ROBO2: variants seen among roughly 807,000 people sequenced by gnomAD.
ROBO2 encodes the protein roundabout guidance receptor 2, also known as roundabout homolog 2.
In ROBO2, 53 loss-of-function variants were observed where a neutral mutation model predicts 160.8. The ratio of observed to expected loss-of-function variants is 0.33; its 90% CI spans 0.26 to 0.41. The LOEUF is 0.41. ROBO2 is among the 10% of genes least tolerant of loss of function. The pLI, the probability that ROBO2 is intolerant of heterozygous loss-of-function variation, is 1.00. For missense variants in ROBO2, 1,577 were observed against 1,722.4 expected (o/e 0.92, Z 1.49); for synonymous variants, 664 against 611.7 (o/e 1.09, Z -1.26).
chr3:76,476,467 G>T (rs1459859295), intron 2 of ROBO2, among the ~76,000 whole-genome samples: 3 of 152,048 alleles, frequency 2.0e-5, no homozygotes, highest in African/African-American at 4.8e-5. Context: ...CCTGTCTGTT[G>T]AAACAGTTCT....
At chr3:75,909,056 T>A (rs1328500116) in intron 1 of ROBO2, among the ~76,000 whole-genome samples, 1 of 152,206 alleles carries the variant, frequency 6.6e-6, no homozygotes, top group Admixed American at 6.5e-5. Context: ...GTGGGACTTA[T>A]GAGAAAAGGA....
intron 2 of ROBO2, among the ~76,000 whole-genome samples, chr3:77,242,489 T>C (rs2089186277): frequency 6.6e-6 from 1 of 152,214 alleles, no homozygotes; most frequent in African/African-American, 2.4e-5. Context: ...ATCCAAAATA[T>C]ATTCTCTTTT....
Position 77,175,778 on chromosome 3 carries a change from C to T in ROBO2, c.388+77438C>T, listed in dbSNP as rs115173345. Among the ~76,000 whole-genome samples, 337 of 152,086 alleles carry T rather than the reference C, an allele frequency of 2.2e-3. 2 individuals are homozygous for T. Among genetic ancestry groups the T allele is most frequent in the African/African-American group, 7.7e-3 (319 of 41,538 alleles). On this transcript the variant is annotated intron_variant, in intron 2 of 25. Coordinates refer to ENST00000461745, the Ensembl canonical transcript of ROBO2. ...AACTTAGAAGATAAGGAGCTGCTAT[C>T]TGAACACTGATCAAATCAGCCTGAA...
intron 2 of ROBO2, among the ~76,000 whole-genome samples, chr3:76,244,670 G>A (rs1705508275): frequency 6.6e-6 from 1 of 152,104 alleles, no homozygotes; most frequent in South Asian, 2.1e-4. Context: ...AAGAAGTATT[G>A]GACTGGACGT....
intron 2 of ROBO2, among the ~76,000 whole-genome samples, chr3:77,173,396 A>G (rs1238070260): frequency 6.6e-6 from 1 of 152,036 alleles, no homozygotes; most frequent in Non-Finnish European, 1.5e-5. Flanking sequence ...ACAATTTAGC[A>G]AGTATATTGT....
intron 2 of ROBO2, among the ~76,000 whole-genome samples, chr3:76,842,561 A>T (rs1403191822): frequency 6.6e-6 from 1 of 152,182 alleles, no homozygotes; most frequent in African/African-American, 2.4e-5. Context: ...TCCTTATATG[A>T]AGTATAAGCT....
intron 2 of ROBO2, among the ~76,000 whole-genome samples, chr3:76,431,398 C>T (rs2076431491): frequency 6.6e-6 from 1 of 152,010 alleles, no homozygotes; most frequent in Admixed American, 6.6e-5. Flanking sequence ...TGTTTAAAAT[C>T]AGATGAATCA....
At chr3:76,665,996 T>G (rs2092021382) in intron 2 of ROBO2, among the ~76,000 whole-genome samples, 1 of 122,616 alleles carries the variant, frequency 8.2e-6, no homozygotes, top group Non-Finnish European at 1.8e-5. Flanking sequence ...GTAATATATA[T>G]AATATATAAT....
intron 2 of ROBO2, among the ~76,000 whole-genome samples, chr3:77,213,707 T>G (rs996353199): frequency 6.6e-6 from 1 of 152,148 alleles, no homozygotes; most frequent in Non-Finnish European, 1.5e-5. Flanking sequence ...CTTTCTCTTG[T>G]GGGCATTTAG....
At chr3:76,441,182 T>G (rs2076909853) in intron 2 of ROBO2, among the ~76,000 whole-genome samples, 1 of 152,176 alleles carries the variant, frequency 6.6e-6, no homozygotes, top group African/African-American at 2.4e-5. Flanking sequence ...AGCTGGTGCT[T>G]GGCTGTTTTA....
intron 2 of ROBO2, among the ~76,000 whole-genome samples, chr3:76,180,853 C>T (rs984021304): frequency 6.6e-6 from 1 of 152,122 alleles, no homozygotes; most frequent in Non-Finnish European, 1.5e-5. Context: ...CTACAAGGCC[C>T]TGAATTTTCT....
chr3:76,858,760 A>T lies in ROBO2; in HGVS notation c.110-239254A>T, dbSNP rs11916468. Among the ~76,000 whole-genome samples, 1,393 of 152,346 alleles carry T rather than the reference A, an allele frequency of 9.1e-3. 13 individuals carry two copies. The highest frequency in any genetic ancestry group is 0.032 in the African/African-American group (1,348 of 41,572). On this transcript the variant is annotated intron_variant, in intron 2 of 26. Transcript: ENST00000487694. ...TGCAAACAATGATTTAGGAAAACCA[A>T]GACAATGAATTGAAGCTGTCACCAC...
At chr3:76,324,868 A>G (rs1247948444) in intron 2 of ROBO2, among the ~76,000 whole-genome samples, 3 of 152,230 alleles carry the variant, frequency 2.0e-5, no homozygotes, top group African/African-American at 7.2e-5. Context: ...CTCCTTTGGG[A>G]GGCCAAGGCA....
intron 2 of ROBO2, among the ~76,000 whole-genome samples, chr3:76,084,675 C>G (rs1335856729): frequency 1.3e-5 from 2 of 152,128 alleles, no homozygotes; most frequent in African/African-American, 4.8e-5. Context: ...AGTGCCCTGT[C>G]TCCATCTTCT....
intron 1 of ROBO2, among the ~76,000 whole-genome samples, chr3:77,056,368 CTA>C (rs2065745543): frequency 6.6e-6 from 1 of 152,150 alleles, no homozygotes; most frequent in Non-Finnish European, 1.5e-5. Flanking sequence ...ATGAGATTCA[CTA>C]GGATTAGACA....
intron 2 of ROBO2, among the ~76,000 whole-genome samples, chr3:76,409,891 A>T (rs926509263): frequency 6.6e-6 from 1 of 152,164 alleles, no homozygotes; most frequent in Non-Finnish European, 1.5e-5. Context: ...ATGATAGAGT[A>T]CAGATCTATT....
chr3:76,114,471 T>G (rs2108255112), intron 2 of ROBO2, among the ~76,000 whole-genome samples: 1 of 152,246 alleles, frequency 6.6e-6, no homozygotes, highest in African/African-American at 2.4e-5. Context: ...CAAATAATAT[T>G]TTAATGGCTG....
At position 76,438,580 on chromosome 3, in the gene ROBO2, G is replaced by A. The variant is rs577067457; in HGVS notation, c.109+500978G>A. 9.2e-5 allele frequency among the ~76,000 whole-genome samples: 14 copies of A among 152,004 alleles called. No individual in the cohort carries two copies. The East Asian group carries it at 2.7e-3, about 29-fold the overall frequency. On this transcript the variant is annotated intron_variant, in intron 2 of 26. Coordinates refer to the ROBO2 transcript ENST00000487694. ...AACAAATCAAAATATGATTATTGGCGAAGAACAACTCACGAGTAAAAATTA... is the reference window on the plus strand; with the variant it reads ...AACAAATCAAAATATGATTATTGGCAAAGAACAACTCACGAGTAAAAATTA...
At chr3:76,174,627 C>T (rs2073162136) in intron 2 of ROBO2, among the ~76,000 whole-genome samples, 1 of 152,030 alleles carries the variant, frequency 6.6e-6, no homozygotes, top group Non-Finnish European at 1.5e-5. Flanking sequence ...GGAATCCTTT[C>T]CCCATTCGTT....
Sources: allele counts gnomAD v4.1 joint callset (sites outside exome capture counted in the v4.1 genomes callset), GRCh38; gene constraint gnomAD v4.1.1; transcripts MANE v1.5; gene names NCBI Gene and HGNC (gene_info 2026-07-23, HGNC 2026-07-21).